SLC17A5: variants seen among roughly 807,000 people sequenced by gnomAD.
SLC17A5 encodes the protein solute carrier family 17 member 5, also known as sialin.
SLC17A5 carries 47 observed loss-of-function variants against 59.4 expected under a neutral mutation model. The ratio of observed to expected loss-of-function variants is 0.79; its 90% CI spans 0.63 to 1.01. The LOEUF (loss-of-function observed/expected upper bound fraction) is 1.01. Ranked by LOEUF, SLC17A5 falls within the 50% of genes least tolerant of loss-of-function variation. SLC17A5 has a pLI of 0.00. For synonymous variants in SLC17A5, 202 were observed against 210.7 expected (o/e 0.96, Z 0.36); for missense variants, 522 against 595.5 (o/e 0.88, Z 1.28).
At chr6:73,601,340 T>C (rs1240902802) in intron 9 of SLC17A5, among the ~76,000 whole-genome samples, 77 of 121,384 alleles carry the variant, frequency 6.3e-4, no homozygotes, top group African/African-American at 2.1e-3. Flanking sequence ...GGAGCCCCTC[T>C]GCCCGGCAGC....
intron 7 of SLC17A5, 128 bp downstream of exon 7, chr6:73,621,676 T>A (rs1768159314): frequency 5.5e-6 from 4 of 726,618 alleles, no homozygotes; most frequent in Non-Finnish European, 4.5e-6. Context: ...TGTATAAGAA[T>A]CTCTAAAATT....
chr6:73,606,177 G>C (rs917384677), intron 9 of SLC17A5, among the ~76,000 whole-genome samples: 1 of 151,830 alleles, frequency 6.6e-6, no homozygotes, highest in East Asian at 2.0e-4. Context: ...TGAGTCAGTG[G>C]GATTATAGTC....
chr6:73,599,890 G>C (rs9352013), intron 10 of SLC17A5, among the ~76,000 whole-genome samples: 1 of 151,900 alleles, frequency 6.6e-6, no homozygotes, highest in Non-Finnish European at 1.5e-5. Context: ...TCCGCCTCCT[G>C]GGTTTGAGCG....
intron 6 of SLC17A5, among the ~76,000 whole-genome samples, chr6:73,630,897 T>C (rs1768673519): frequency 6.7e-6 from 1 of 148,908 alleles, no homozygotes; most frequent in South Asian, 2.1e-4. Context: ...AAATACAAAA[T>C]TAGCTGGGTG....
At chr6:73,635,649 C>T in intron 5 of SLC17A5, 149 bp from the exon 6 acceptor site, 1 of 576,350 alleles carries the variant, frequency 1.7e-6, no homozygotes, top group Non-Finnish European at 3.1e-6. Context: ...GTAAAACTGA[C>T]TTCAGTTTGG....
rs1390479130 is a variant in SLC17A5, at chr6:73,644,623, A to G, written c.95-20T>C. The G allele has an allele frequency of 6.2e-7, 1 of 1,602,884 alleles. No individual in the cohort carries two copies. The highest frequency in any genetic ancestry group is 8.5e-7 in the Non-Finnish European group (1 of 1,172,492). On this transcript the variant is annotated intron_variant, in intron 1 of 10. Coordinates refer to ENST00000355773, the MANE Select transcript of SLC17A5 (RefSeq NM_012434.5). ...CTGGAGCTGAAATAAAGATTGGGGA[A>G]AATTTTTATTTATTTTTAAATTTTT...
At chr6:73,650,500 T>G in intron 1 of SLC17A5, among the ~76,000 whole-genome samples, 1 of 88,184 alleles carries the variant, frequency 1.1e-5, no homozygotes, top group African/African-American at 4.7e-5. Flanking sequence ...AGAGCAAGAC[T>G]CCGTCTCAAA....
chr6:73,649,784 G>T (rs552678237), intron 1 of SLC17A5, among the ~76,000 whole-genome samples: 17 of 152,194 alleles, frequency 1.1e-4, no homozygotes, highest in African/African-American at 4.1e-4. Flanking sequence ...AGGAATTGAG[G>T]TTATTTCTTA....
chr6:73,624,570 T>C (rs1157693348), intron 6 of SLC17A5, among the ~76,000 whole-genome samples: 1 of 151,836 alleles, frequency 6.6e-6, no homozygotes, highest in Non-Finnish European at 1.5e-5. Flanking sequence ...ATAGTACATA[T>C]AGATAACTTA....
chr6:73,633,695 A>C (rs1394282111), intron 6 of SLC17A5, among the ~76,000 whole-genome samples: 2 of 151,942 alleles, frequency 1.3e-5, no homozygotes, highest in Non-Finnish European at 2.9e-5. Context: ...CCTGGCCAAT[A>C]AGGTGAAATC....
chr6:73,608,939 G>T (rs1375387076), intron 9 of SLC17A5, among the ~76,000 whole-genome samples: 1 of 152,124 alleles, frequency 6.6e-6, no homozygotes, highest in African/African-American at 2.4e-5. Context: ...AGGATTACTT[G>T]ATCCCAGGAG....
At chr6:73,599,198 T>C (rs1766950178) in intron 10 of SLC17A5, among the ~76,000 whole-genome samples, 1 of 152,014 alleles carries the variant, frequency 6.6e-6, no homozygotes. Flanking sequence ...GTTTATTTTT[T>C]TATTTTTATT....
chr6:73,635,809 C>T (rs190939218), intron 5 of SLC17A5, among the ~76,000 whole-genome samples: 188 of 150,636 alleles, frequency 1.2e-3, no homozygotes, highest in Non-Finnish European at 2.0e-3. Flanking sequence ...GACGTGATCT[C>T]GGCTCACTGC....
Position 73,597,562 on chromosome 6 carries a change from C to A in SLC17A5, c.1351-2348G>T, listed in dbSNP as rs144735545. ...CACTTTGGGAGGCCGAGGTAGGTGG[C>A]TACCTTGAGCCCTGGAGTTTGAGAC... On this transcript the variant is annotated intron_variant, in intron 10 of 10. Coordinates refer to ENST00000355773, the MANE Select transcript of SLC17A5 (RefSeq NM_012434.5). Among the ~76,000 whole-genome samples the A allele has an allele frequency of 1.7e-3, 263 of 152,108 alleles. 1 individual carries two copies. Among genetic ancestry groups the A allele is most frequent in the African/African-American group, 6.0e-3 (248 of 41,514 alleles).
intron 6 of SLC17A5, among the ~76,000 whole-genome samples, chr6:73,631,014 T>A (rs683267): frequency 0.16 from 23,178 of 147,898 alleles, 2,905 homozygotes; most frequent in African/African-American, 0.33. Context: ...CCATTGTACT[T>A]CAGCCTGGGC....
chr6:73,598,034 C>G (rs1392900423), intron 10 of SLC17A5, among the ~76,000 whole-genome samples: 3 of 152,096 alleles, frequency 2.0e-5, no homozygotes, highest in Non-Finnish European at 4.4e-5. Flanking sequence ...ACATCTTATA[C>G]CAGAAAGAAA....
chr6:73,624,850 C>T (rs952866353), intron 6 of SLC17A5, among the ~76,000 whole-genome samples: 13 of 151,766 alleles, frequency 8.6e-5, no homozygotes, highest in African/African-American at 2.2e-4. Context: ...TCCAGCTTGG[C>T]GACAGAGCAA....
chr6:73,620,127 T>C (rs2150097396), intron 7 of SLC17A5, among the ~76,000 whole-genome samples: 1 of 152,216 alleles, frequency 6.6e-6, no homozygotes, highest in African/African-American at 2.4e-5. Context: ...TTTCACATGT[T>C]GGCCAGGCTG....
chr6:73,647,246 C>A (rs1769625173), intron 1 of SLC17A5, among the ~76,000 whole-genome samples: 1 of 152,182 alleles, frequency 6.6e-6, no homozygotes, highest in South Asian at 2.1e-4. Flanking sequence ...CTGGACCCTG[C>A]ATGGAGACTA....
Sources: allele counts gnomAD v4.1 joint callset (sites outside exome capture counted in the v4.1 genomes callset), GRCh38; gene constraint gnomAD v4.1.1; transcripts MANE v1.5; gene names NCBI Gene and HGNC (gene_info 2026-07-23, HGNC 2026-07-21).